TMEM260: variants seen among roughly 807,000 people sequenced by gnomAD.
TMEM260 encodes the protein transmembrane protein 260, also known as protein O-mannosyl-transferase TMEM260.
In TMEM260, 82 loss-of-function variants were observed where a neutral mutation model predicts 88.9. That is an observed-to-expected ratio of 0.92 (90% CI 0.77 to 1.11). TMEM260 has a LOEUF of 1.11. Among genes scored for constraint, TMEM260 ranks in the 50% least tolerant of loss-of-function variants. The probability of loss-of-function intolerance (pLI) is 0.00; values close to 1 mark genes in which losing one functional copy is unlikely to be tolerated. For synonymous variants in TMEM260, 314 were observed against 309.3 expected, an observed-to-expected ratio of 1.02 and a Z score of -0.16; for missense variants, 902 against 853.4, an observed-to-expected ratio of 1.06 and a Z score of -0.71.
intron 1 of TMEM260, among the ~76,000 whole-genome samples, chr14:56,580,581 C>G (rs1298469746): frequency 1.3e-5 from 2 of 152,052 alleles, no homozygotes; most frequent in Admixed American, 1.3e-4. Flanking sequence ...GTGGGTCCTT[C>G]CGAATGACTA....
In TMEM260 at chr14:56,633,024, A is replaced by C. The variant is rs1888735653; in HGVS notation, c.1577A>C (p.His526Pro). The C allele has an allele frequency of 1.2e-6, 2 of 1,613,870 alleles. No homozygotes were observed. Among genetic ancestry groups the C allele is most frequent in the African/African-American group, 1.3e-5 (1 of 74,918 alleles). ...QKETFVCIGI[H>P]EGDPTWKKNY... is the part of the protein sequence containing the mutation. ...GAAACATTTGTTTGCATAGGAATTC[A>C]TGAAGGCGACCCAACCTGGAAAAAG... Residue 526 changes from histidine (H) to proline (P), a missense_variant, in exon 13 of 16, where the codon CAT (histidine) becomes CCT (proline). By Grantham distance (77) the His-to-Pro change is moderately conservative. Coordinates refer to ENST00000261556, the MANE Select transcript of TMEM260 (RefSeq NM_017799.4).
chr14:56,636,750 C>G, intron 15 of TMEM260, 152 bp downstream of exon 15: 3 of 672,268 alleles, frequency 4.5e-6, no homozygotes, highest in Non-Finnish European at 7.6e-6. Flanking sequence ...TGAACAAATC[C>G]TCAGTTGTAT....
At chr14:56,642,249 T>C (rs1424767811) in intron 15 of TMEM260, among the ~76,000 whole-genome samples, 3 of 152,120 alleles carry the variant, frequency 2.0e-5, no homozygotes, top group Non-Finnish European at 2.9e-5. Flanking sequence ...ATTGACCACA[T>C]AGTTGGAAGT....
chr14:56,580,516 G>A (rs1268367108), intron 1 of TMEM260, among the ~76,000 whole-genome samples: 1 of 152,200 alleles, frequency 6.6e-6, no homozygotes, highest in Non-Finnish European at 1.5e-5. Context: ...ATATTCACTG[G>A]TGATAAGTTA....
intron 6 of TMEM260, among the ~76,000 whole-genome samples, chr14:56,610,984 T>G (rs1201452868): frequency 6.8e-6 from 1 of 146,662 alleles, no homozygotes; most frequent in Non-Finnish European, 1.5e-5. Context: ...TTTTTTTTTT[T>G]GAGACAGAGT....
intron 14 of TMEM260, among the ~76,000 whole-genome samples, chr14:56,635,512 T>C (rs762504820): frequency 4.8e-4 from 73 of 151,482 alleles, no homozygotes; most frequent in African/African-American, 1.7e-3. Context: ...GCCTATACTT[T>C]CCTGTAGTTC....
At chr14:56,616,472 T>A (rs1192241955) in intron 8 of TMEM260, among the ~76,000 whole-genome samples, 1 of 152,046 alleles carries the variant, frequency 6.6e-6, no homozygotes, top group Non-Finnish European at 1.5e-5. Flanking sequence ...TATTTGTACA[T>A]TTATCTATAG....
intron 4 of TMEM260, among the ~76,000 whole-genome samples, chr14:56,604,320 A>G (rs577013900): frequency 1.3e-5 from 2 of 152,192 alleles, no homozygotes; most frequent in Non-Finnish European, 2.9e-5. Flanking sequence ...GAAGGTGCCA[A>G]GCTCTACACT....
chr14:56,624,402 C>T (rs1348477090), intron 11 of TMEM260, among the ~76,000 whole-genome samples: 5 of 152,002 alleles, frequency 3.3e-5, no homozygotes, highest in Non-Finnish European at 5.9e-5. Context: ...GGTGAAACCC[C>T]GTGTCTATCA....
At chr14:56,634,259 A>G (rs1379554453) in intron 13 of TMEM260, among the ~76,000 whole-genome samples, 7 of 152,098 alleles carry the variant, frequency 4.6e-5, no homozygotes, top group Admixed American at 1.3e-4. Flanking sequence ...ACCTCTGTCC[A>G]TAGAGTGACC....
intron 3 of TMEM260, among the ~76,000 whole-genome samples, chr14:56,600,115 A>G (rs936101136): frequency 1.3e-5 from 2 of 152,178 alleles, no homozygotes; most frequent in Non-Finnish European, 2.9e-5. Context: ...TGACTTATAA[A>G]AATCCTATTG....
intron 8 of TMEM260, 81 bp downstream of exon 8, chr14:56,616,108 A>G: frequency 2.0e-6 from 2 of 994,130 alleles, no homozygotes; most frequent in Non-Finnish European, 3.1e-6. Flanking sequence ...GCTGTAGGAC[A>G]TTGCCAGTAT....
Position 56,609,097 on chromosome 14 carries a change from C to T in TMEM260, c.637-9C>T, listed in dbSNP as rs765536404. The T allele has an allele frequency of 6.2e-7, 1 of 1,613,570 alleles. No individual in the cohort carries two copies. Among genetic ancestry groups the T allele is most frequent in the Non-Finnish European group, 8.5e-7 (1 of 1,179,650 alleles). Reference sequence around the variant, plus strand: ...ACATTGTTATACCACCCAATGTGCTCTGATGCAGGAACTCTCCCTGGGCTC... The same window carrying T: ...ACATTGTTATACCACCCAATGTGCTTTGATGCAGGAACTCTCCCTGGGCTC... On this transcript the variant is annotated splice_polypyrimidine_tract_variant and intron_variant, in intron 5 of 15. Coordinates refer to ENST00000261556, the MANE Select transcript of TMEM260 (RefSeq NM_017799.4).
At position 56,591,377 on chromosome 14, in the gene TMEM260, G is replaced by A. The variant is rs1885848451; in HGVS notation, c.344+5465G>A. 2.0e-5 allele frequency among the ~76,000 whole-genome samples: 3 copies of A among 152,158 alleles called. No homozygotes were observed. The South Asian group carries it at 6.2e-4, about 32-fold the overall frequency. On this transcript the variant is annotated intron_variant, in intron 3 of 15. Transcript: ENST00000261556. The stretch of plus-strand genomic sequence containing the variant: ...TAAATCTGTATTGTTTATTAAGTTG[G>A]TTAGTATTGCTGATGAAAGTAGTTT...
chr14:56,621,570 C>G lies in TMEM260; in HGVS notation c.1266C>G (p.Phe422Leu), dbSNP rs1165116574. 1.2e-6 allele frequency: 2 copies of G among 1,608,496 alleles called. No homozygotes were observed. The highest frequency in any genetic ancestry group is 1.7e-5 in the Admixed American group (1 of 59,074). ...GGACCAACTATGTGATTGATAAGTT[C>G]GCAAAGAACCTTCTCACCTCTATGC... The part of the protein sequence containing the change: ...DQRTNYVIDK[F>L]AKNLLTSMPH... The change falls in exon 11 of 16, where the codon TTC (phenylalanine) becomes TTG (leucine). Residue 422 changes from phenylalanine (F) to leucine (L), a missense_variant. Physicochemically the swap from Phe to Leu is conservative, Grantham distance 22 (BLOSUM62 0). Coordinates refer to ENST00000261556, the MANE Select transcript of TMEM260 (RefSeq NM_017799.4).
the TMEM260 span, among the ~76,000 whole-genome samples, chr14:56,657,887 T>C: frequency 6.6e-6 from 1 of 152,200 alleles, no homozygotes; most frequent in East Asian, 1.9e-4. Flanking sequence ...TGAGTAATTC[T>C]CTGCTTTCTT....
rs1488396933 is a variant in TMEM260, at chr14:56,647,886, T to C, written c.*389T>C. 6.2e-6 allele frequency: 1 copy of C among 161,490 alleles called. No homozygotes were observed. The highest frequency in any genetic ancestry group is 1.4e-5 in the Non-Finnish European group (1 of 73,704). The allele number at this position is 161,490 out of a possible 1,614,324, so 10.0% of individuals were successfully genotyped here. A position where few individuals can be genotyped will look rare whatever the true frequency, so the allele number is the denominator to read the frequency against. ...CAGTTTTAAAGTTAAATTCTTTTGA[T>C]ATTAATACCAGACCAAAGACATTTT... On this transcript the variant is annotated 3_prime_UTR_variant, in exon 16 of 16. Coordinates refer to ENST00000261556, the MANE Select transcript of TMEM260 (RefSeq NM_017799.4).
chr14:56,612,077 C>T (rs1215003508), intron 6 of TMEM260, among the ~76,000 whole-genome samples, 168 bp from the exon 7 acceptor site: 1 of 152,152 alleles, frequency 6.6e-6, no homozygotes, highest in East Asian at 1.9e-4. Flanking sequence ...ACCAAACTCC[C>T]TTGACACGCA....
intron 1 of TMEM260, among the ~76,000 whole-genome samples, chr14:56,583,990 T>TTGTGTGTGTGTGTG (rs10594077): frequency 4.2e-4 from 62 of 145,942 alleles, no homozygotes; most frequent in African/African-American, 1.4e-3. Flanking sequence ...ATCCAGCCTT[T>TTGTGTGTGTGTGTG]TGTGTGTGTG....
Sources: gnomAD v4.1 joint callset for allele counts (sites outside exome capture counted in the v4.1 genomes callset) on GRCh38, gnomAD v4.1.1 for gene constraint, MANE v1.5 for transcripts, NCBI Gene and HGNC (gene_info 2026-07-23, HGNC 2026-07-21) for gene names.